Variants in TACC3 observed in about 807,000 individuals in gnomAD.
TACC3 encodes transforming acidic coiled-coil-containing protein 3.
Under a neutral mutation model 86.0 loss-of-function variants are expected in TACC3, and 52 were observed. The ratio of observed to expected loss-of-function variants is 0.60; its 90% CI spans 0.48 to 0.76. TACC3 has a LOEUF of 0.76. TACC3 is among the 30% of genes least tolerant of loss of function. The pLI is 0.00. For missense variants in TACC3, 1,120 were observed against 1,070.4 expected (o/e 1.05, Z -0.65); for synonymous variants, 512 against 430.0 (o/e 1.19, Z -2.36).
At chr4:1,733,460 C>G (rs1005969788) in intron 6 of TACC3, among the ~76,000 whole-genome samples, 1 of 152,012 alleles carries the variant, frequency 6.6e-6, no homozygotes, top group African/African-American at 2.4e-5. Flanking sequence ...TGAGACTAAC[C>G]TGGGCAACAT....
At chr4:1,730,990 G>A (rs1717980153) in intron 5 of TACC3, 28 bp downstream of exon 5, 2 of 1,612,768 alleles carry the variant, frequency 1.2e-6, no homozygotes, top group African/African-American at 1.3e-5. Context: ...GGGTACCTGT[G>A]CTCCTGGCCT....
chr4:1,724,379 C>CTTTTTTT (rs35896374), intron 3 of TACC3, among the ~76,000 whole-genome samples: 3 of 108,384 alleles, frequency 2.8e-5, no homozygotes, highest in Non-Finnish European at 5.5e-5. Flanking sequence ...TCATACTTCA[C>CTTTTTTT]TTTTTTTTTT....
intron 9 of TACC3, 102 bp from the exon 10 acceptor site, chr4:1,737,496 G>A: frequency 8.7e-7 from 1 of 1,151,980 alleles, no homozygotes; most frequent in Non-Finnish European, 1.2e-6. Flanking sequence ...CTCATGCACT[G>A]TCTGAGGCTC....
Position 1,735,421 on chromosome 4 carries a change from C to G in TACC3, c.1644+96C>G. ...CCGGAGCGTCCCTTGGTGCCCACGT[C>G]CCCCCAGCTGCACACAGGCCCAGGC... On this transcript the variant is annotated intron_variant, in intron 7 of 15. Transcript: ENST00000313288. This position sits in a 1 kb window ranked among gnomAD's most constrained non-coding sequence, Gnocchi z 4.2. The G allele has an allele frequency of 3.6e-6, 5 of 1,390,840 alleles. No homozygotes were observed. The highest frequency in any genetic ancestry group is 4.1e-6 in the Non-Finnish European group (4 of 984,408). The allele number at this position is 1,390,840 out of a possible 1,614,324, so 86.2% of individuals were successfully genotyped here. A position where few individuals can be genotyped will look rare whatever the true frequency, so the allele number is the denominator to read the frequency against.
chr4:1,740,030 T>G (rs1193673962), intron 12 of TACC3, 28 bp downstream of exon 12: 1 of 1,612,220 alleles, frequency 6.2e-7, no homozygotes, highest in Non-Finnish European at 8.5e-7. Context: ...CGAGGCCACG[T>G]GCCTCCACGA....
chr4:1,736,422 C>CAAAAAA lies in TACC3; in HGVS notation c.1748+606_1748+611dup, dbSNP rs1164866581. On this transcript the variant is annotated intron_variant, in intron 8 of 15. Transcript: ENST00000313288. Reference sequence around the variant, plus strand: ...TGGGCAACAGAGTGAGACTCCATCTCAAAAAAAAAAAAAAAAAAAAAAACC... The same window carrying CAAAAAA: ...TGGGCAACAGAGTGAGACTCCATCTCAAAAAAAAAAAAAAAAAAAAAAAAAAAAACC... Among the ~76,000 whole-genome samples the CAAAAAA allele has an allele frequency of 2.0e-3, 133 of 65,674 alleles. 1 individual carries two copies. Among genetic ancestry groups the CAAAAAA allele is most frequent in the African/African-American group, 3.6e-3 (53 of 14,776 alleles). 43.1% of individuals were successfully genotyped at this position (65,674 alleles called of 152,430 possible). A position where few individuals can be genotyped will look rare whatever the true frequency, so the allele number is the denominator to read the frequency against.
intron 4 of TACC3, among the ~76,000 whole-genome samples, chr4:1,729,403 A>T (rs1454765943): frequency 6.6e-6 from 1 of 152,074 alleles, no homozygotes; most frequent in South Asian, 2.1e-4. Flanking sequence ...AGGCACGGAG[A>T]TCGGTAATGG....
rs111733151 is a variant in TACC3 at position 1,733,430 on chromosome 4, ATTGT to A, written c.1592-1839_1592-1836del. Among the ~76,000 whole-genome samples, 737 of 152,236 alleles carry A rather than the reference ATTGT, an allele frequency of 4.8e-3. 10 individuals carry two copies. The highest frequency in any genetic ancestry group is 0.017 in the African/African-American group (694 of 41,514). On this transcript the variant is annotated intron_variant, in intron 6 of 15. Transcript: ENST00000313288. Reference sequence around the variant, plus strand: ...CAGCATTTTGCGGGGCCGAGGCAGGATTGTTTGAGCCCTGTAGTTTGAGACTAAC... The same window carrying A: ...CAGCATTTTGCGGGGCCGAGGCAGGATTGAGCCCTGTAGTTTGAGACTAAC...
rs762145376 is a variant in TACC3 at position 1,728,322 on chromosome 4, A to T, written c.920A>T (p.His307Leu). The T allele has an allele frequency of 6.2e-7, 1 of 1,612,866 alleles. No homozygotes were observed. The highest frequency in any genetic ancestry group is 1.1e-5 in the South Asian group (1 of 91,080). ...CCTGAGAGCACAGCCCCAACCAACC[A>T]CCTGGTGGCTGGCAGGGCCATGACC... ...SAPESTAPTN[H>L]LVAGRAMTLS... Residue 307 changes from histidine to leucine, a missense_variant, in exon 4 of 16, where the codon CAC (histidine) becomes CTC (leucine). Coordinates refer to ENST00000313288, the MANE Select transcript of TACC3 (RefSeq NM_006342.3).
At chr4:1,741,018 C>G (rs769591625) in intron 13 of TACC3, 32 bp downstream of exon 13, 3 of 1,575,344 alleles carry the variant, frequency 1.9e-6, no homozygotes, top group Non-Finnish European at 2.6e-6. Flanking sequence ...GTCCTCACCT[C>G]GGAGGCTGAT....
chr4:1,731,540 A>G (rs1718009393), intron 6 of TACC3, among the ~76,000 whole-genome samples: 1 of 152,250 alleles, frequency 6.6e-6, no homozygotes, highest in Non-Finnish European at 1.5e-5. Context: ...TAGACTCAGG[A>G]AAATGAGCAG....
intron 4 of TACC3, among the ~76,000 whole-genome samples, chr4:1,729,736 C>T (rs1034578662): frequency 2.0e-5 from 3 of 152,192 alleles, no homozygotes; most frequent in Admixed American, 6.5e-5. Flanking sequence ...TGGATGGCTG[C>T]GGGCGGGCCT....
chr4:1,741,130 C>T (rs562071259), intron 13 of TACC3, 144 bp downstream of exon 13: 19 of 776,476 alleles, frequency 2.4e-5, no homozygotes, highest in South Asian at 1.5e-4. Flanking sequence ...GACCTGTGAA[C>T]GAGACAGGGT....
At chr4:1,731,624 T>C (rs1300431398) in intron 6 of TACC3, among the ~76,000 whole-genome samples, 1 of 152,100 alleles carries the variant, frequency 6.6e-6, no homozygotes, top group African/African-American at 2.4e-5. Context: ...TCATCAGAAA[T>C]ACTGCTTGAA....
At chr4:1,738,139 T>C in intron 10 of TACC3, 7 of 343,574 alleles carry the variant, frequency 2.0e-5, no homozygotes, top group South Asian at 1.5e-4. Context: ...CCATCCTCAC[T>C]GTACATGCCA....
upstream of TACC3, chr4:1,720,965 ATGG>A (rs1377134201): frequency 4.0e-6 from 2 of 495,724 alleles, no homozygotes; most frequent in Non-Finnish European, 6.3e-6. The surrounding 1 kb of genome is among the most constrained non-coding windows in gnomAD (Gnocchi z 4.4). Context: ...ACTCTAGGAC[ATGG>A]AGTCCCGCCG....
At position 1,735,279 on chromosome 4, in the gene TACC3, G is replaced by T. The variant is rs756269618; in HGVS notation, c.1598G>T (p.Gly533Val). The change falls in exon 7 of 16, where the codon GGC becomes GTC. Residue 533 changes from glycine (G) to valine (V), a missense_variant. Physicochemically the swap from Gly to Val is moderately radical, Grantham distance 109 (BLOSUM62 -3). Coordinates refer to ENST00000313288, the MANE Select transcript of TACC3 (RefSeq NM_006342.3). The surrounding 1 kb of genome is among the most constrained non-coding windows in gnomAD (Gnocchi z 4.2). ...CATGATTCACTCCTCTCAGTTCTAG[G>T]CACGGGCGCGGAGGTGGATTACCTG... is the stretch of plus-strand genomic sequence containing the variant. ...ESFRDPAEVL[G>V]TGAEVDYLEQ... is the part of the protein sequence containing the mutation. 6.2e-7 allele frequency: 1 copy of T among 1,613,910 alleles called. No individual in the cohort carries two copies. The highest frequency in any genetic ancestry group is 1.3e-5 in the African/African-American group (1 of 74,950).
At chr4:1,726,055 C>G (rs1560295069) in intron 3 of TACC3, among the ~76,000 whole-genome samples, 2 of 152,248 alleles carry the variant, frequency 1.3e-5, no homozygotes, top group African/African-American at 4.8e-5. Context: ...TCTCAGGGAC[C>G]TGAAGGCTGG....
Position 1,739,417 on chromosome 4 carries a change from C to CG in TACC3, c.1942-280dup, listed in dbSNP as rs1577223008. ...ACCCCTAGTATCTGCCACTGGGCTG[C>CG]GGGGGCAGCTGCAGGGACACACACC... is the stretch of plus-strand genomic sequence containing the variant. On this transcript the variant is annotated intron_variant, in intron 10 of 15. Coordinates refer to ENST00000313288, the MANE Select transcript of TACC3 (RefSeq NM_006342.3). 1.4e-5 allele frequency: 7 copies of CG among 509,140 alleles called. No individual in the cohort carries two copies. In the East Asian group the frequency reaches 2.2e-4, roughly 16 times the overall value. The allele number at this position is 509,140 out of a possible 1,614,324, so 31.5% of individuals were successfully genotyped here. A position where few individuals can be genotyped will look rare whatever the true frequency, so the allele number is the denominator to read the frequency against.
Sources: allele counts gnomAD v4.1 joint callset (sites outside exome capture counted in the v4.1 genomes callset), GRCh38; gene constraint gnomAD v4.1.1; non-coding constraint Gnocchi (gnomAD v3.1); transcripts MANE v1.5; gene names NCBI Gene and HGNC (gene_info 2026-07-23, HGNC 2026-07-21).